KCNMA1: variants seen among roughly 807,000 people sequenced by gnomAD.
The protein encoded by KCNMA1 is potassium calcium-activated channel subfamily M alpha 1.
A neutral mutation model predicts 140.0 loss-of-function variants in KCNMA1; 29 were observed. The ratio of observed to expected loss-of-function variants is 0.21; its 90% CI spans 0.15 to 0.28. The LOEUF is 0.28. Among genes scored for constraint, KCNMA1 ranks in the 10% least tolerant of loss-of-function variants. The probability of loss-of-function intolerance (pLI) is 1.00; values close to 1 mark genes in which losing one functional copy is unlikely to be tolerated. For missense variants in KCNMA1, 880 were observed against 1,602.2 expected (o/e 0.55, Z 7.70); for synonymous variants, 612 against 611.9 (o/e 1.00, Z 0.00).
chr10:77,280,957 T>C (rs1400991899), intron 2 of KCNMA1, among the ~76,000 whole-genome samples: 1 of 152,184 alleles, frequency 6.6e-6, no homozygotes, highest in Non-Finnish European at 1.5e-5. Context: ...TAATTTTTAA[T>C]ACCAATTCAA....
At chr10:76,953,955 G>A (rs751973026) in intron 20 of KCNMA1, 31 bp from the exon 21 acceptor site, 1 of 1,612,236 alleles carries the variant, frequency 6.2e-7, no homozygotes, top group South Asian at 1.1e-5. Context: ...AAACCTAAGT[G>A]GAAAATGTGA....
At chr10:77,059,913 T>C (rs1309999121) in intron 14 of KCNMA1, among the ~76,000 whole-genome samples, 1 of 152,206 alleles carries the variant, frequency 6.6e-6, no homozygotes, top group East Asian at 1.9e-4. Context: ...TGTATATTTC[T>C]ACATACCACC....
intron 29 of KCNMA1, among the ~76,000 whole-genome samples, chr10:76,878,814 C>T (rs1338565712): frequency 6.6e-6 from 1 of 152,086 alleles, no homozygotes; most frequent in African/African-American, 2.4e-5. Flanking sequence ...TCATCCCCAC[C>T]TCTTTCTAGG....
chr10:77,164,320 C>T (rs2154084131), intron 5 of KCNMA1, among the ~76,000 whole-genome samples: 1 of 152,236 alleles, frequency 6.6e-6, no homozygotes, highest in South Asian at 2.1e-4. Context: ...AAAGGGAGGC[C>T]AGGTTGAACA....
intron 3 of KCNMA1, among the ~76,000 whole-genome samples, chr10:77,220,497 A>T: frequency 6.6e-6 from 1 of 152,142 alleles, no homozygotes; most frequent in East Asian, 1.9e-4. Flanking sequence ...CTTGTCATTT[A>T]TTTTTTAAAT....
intron 2 of KCNMA1, among the ~76,000 whole-genome samples, chr10:77,382,994 G>GTGTGTGTATA (rs1491457588): frequency 1.3e-3 from 61 of 46,418 alleles, no homozygotes; most frequent in Non-Finnish European, 1.9e-3. Flanking sequence ...GTGTGTGTGT[G>GTGTGTGTATA]TATATATATA....
chr10:77,199,169 G>A (rs1040144042), intron 3 of KCNMA1, among the ~76,000 whole-genome samples: 4 of 152,172 alleles, frequency 2.6e-5, no homozygotes, highest in Admixed American at 2.0e-4. Flanking sequence ...AAAACTCAGA[G>A]GCTTAGTTGA....
chr10:77,360,587 G>C (rs1603403087), intron 2 of KCNMA1, among the ~76,000 whole-genome samples: 3 of 152,112 alleles, frequency 2.0e-5, no homozygotes, highest in Admixed American at 1.3e-4. Context: ...ATACTCCCCG[G>C]AGCACCTGGG....
intron 1 of KCNMA1, among the ~76,000 whole-genome samples, chr10:77,424,618 A>T (rs999797382): frequency 1.3e-5 from 2 of 152,176 alleles, no homozygotes; most frequent in South Asian, 2.1e-4. Context: ...TCCTTCCAGG[A>T]GTTGAAGATC....
chr10:76,974,567 A>G lies in KCNMA1; in HGVS notation c.2267-4500T>C, dbSNP rs756357306. On this transcript the variant is annotated intron_variant, in intron 19 of 27. Transcript: ENST00000286628. ...TTTGGAATAGCGTGATCTAGCTGCA[A>G]CCTTGACTGCCAAACAATAAGGAGA... 4 of 1,544,524 alleles carry G rather than the reference A, an allele frequency of 2.6e-6. No individual in the cohort carries two copies. The African/African-American group carries it at 5.5e-5, about 21-fold the overall frequency.
At chr10:77,429,048 T>C (rs36024854) in intron 1 of KCNMA1, among the ~76,000 whole-genome samples, 6,790 of 152,174 alleles carry the variant, frequency 0.045, 203 homozygotes, top group Non-Finnish European at 0.069. Context: ...TAAATGAATA[T>C]ATAGATATAT....
intron 18 of KCNMA1, among the ~76,000 whole-genome samples, chr10:77,005,481 A>G (rs2088162347): frequency 6.6e-6 from 1 of 152,180 alleles, no homozygotes; most frequent in Admixed American, 6.5e-5. Flanking sequence ...TTGTCATTCC[A>G]TCTTAGGGCT....
chr10:76,876,416 T>C (rs533873287), downstream of KCNMA1: 1 of 152,754 alleles, frequency 6.5e-6, no homozygotes, highest in African/African-American at 2.4e-5. Context: ...GCCGGGAGAC[T>C]GTACACCGAG....
intron 1 of KCNMA1, among the ~76,000 whole-genome samples, chr10:77,504,980 C>A (rs543559128): frequency 6.6e-6 from 1 of 152,254 alleles, no homozygotes; most frequent in East Asian, 1.9e-4. Flanking sequence ...AAGTCCAAAT[C>A]CAGGAGACTC....
chr10:77,235,007 C>G lies in KCNMA1; in HGVS notation c.602+16188G>C, dbSNP rs563147703. 9.2e-5 allele frequency among the ~76,000 whole-genome samples: 14 copies of G among 152,332 alleles called. No individual in the cohort carries two copies. In the South Asian group the frequency reaches 1.0e-3, roughly 11 times the overall value. ...TTTCCACTGTTCTCCTTATGAGCCACAGCAGGAAAACCCCTTAGCAGAACT... is the reference window on the plus strand; with the variant it reads ...TTTCCACTGTTCTCCTTATGAGCCAGAGCAGGAAAACCCCTTAGCAGAACT... On this transcript the variant is annotated intron_variant, in intron 3 of 27. Transcript: ENST00000286628.
chr10:77,186,147 G>T (rs1215884852), intron 3 of KCNMA1, among the ~76,000 whole-genome samples: 1 of 152,124 alleles, frequency 6.6e-6, no homozygotes. Flanking sequence ...GGAACTCGGG[G>T]CCCACTTAGA....
chr10:76,952,074 T>G, intron 21 of KCNMA1: 2 of 1,552,310 alleles, frequency 1.3e-6, no homozygotes, highest in Non-Finnish European at 1.7e-6. Context: ...AGATGTTGAT[T>G]GAATATCAGT....
intron 18 of KCNMA1, among the ~76,000 whole-genome samples, chr10:77,004,846 T>C (rs1315297241): frequency 6.6e-6 from 1 of 152,196 alleles, no homozygotes; most frequent in African/African-American, 2.4e-5. Context: ...TTTCCTTTTC[T>C]AGAGCTGATT....
rs540423307 is a variant in KCNMA1 at position 77,558,484 on chromosome 10, C to T, written c.378+78781G>A. On this transcript the variant is annotated intron_variant, in intron 1 of 27. Transcript: ENST00000286628. The stretch of plus-strand genomic sequence containing the variant: ...CTGTGGTTCACCAGCTTGAATCCAG[C>T]ACTGGGATGTCGGGGGTGGGGTGTT... Among the ~76,000 whole-genome samples the T allele has an allele frequency of 2.6e-5, 4 of 152,300 alleles. No individual in the cohort carries two copies. The East Asian group carries it at 7.7e-4, about 29-fold the overall frequency.
Sources: gnomAD v4.1 joint callset for allele counts (sites outside exome capture counted in the v4.1 genomes callset) on GRCh38, gnomAD v4.1.1 for gene constraint, MANE v1.5 for transcripts, NCBI Gene and HGNC (gene_info 2026-07-23, HGNC 2026-07-21) for gene names.